PRMT3: variants seen among roughly 807,000 people sequenced by gnomAD.
PRMT3 encodes protein arginine methyltransferase 3.
Under a neutral mutation model 71.9 loss-of-function variants are expected in PRMT3, and 62 were observed. The ratio of observed to expected loss-of-function variants is 0.86; its 90% CI spans 0.70 to 1.07. PRMT3 has a LOEUF of 1.07. PRMT3 is among the 50% of genes least tolerant of loss of function. The pLI is 0.00. For missense variants in PRMT3, 663 were observed against 643.0 expected, an observed-to-expected ratio of 1.03 and a Z score of -0.34; for synonymous variants, 213 against 220.4, an observed-to-expected ratio of 0.97 and a Z score of 0.30.
At chr11:20,493,112 A>G (rs563375271) in intron 13 of PRMT3, among the ~76,000 whole-genome samples, 5 of 148,804 alleles carry the variant, frequency 3.4e-5, no homozygotes, top group African/African-American at 1.2e-4. Context: ...CCTCTGGGCA[A>G]CAGAGCAAGA....
rs1179525132 is a variant in PRMT3, at chr11:20,481,193, TA to T, written c.1348-12723del. Among the ~76,000 whole-genome samples the T allele has an allele frequency of 4.6e-5, 7 of 151,732 alleles. No individual in the cohort carries two copies. In the East Asian group the frequency reaches 5.8e-4, roughly 13 times the overall value. On this transcript the variant is annotated intron_variant, in intron 13 of 15. Coordinates refer to ENST00000331079, the MANE Select transcript of PRMT3 (RefSeq NM_005788.4). The stretch of plus-strand genomic sequence containing the variant: ...TGTTGGATTCCAAAAGCTTGTTTTT[TA>T]AAGGAAATCCAGTGGAGTAGCATCA...
In PRMT3 at chr11:20,388,113, C is replaced by A. The variant is rs751574765; in HGVS notation, c.123C>A (p.Leu41=). Reference sequence around the variant, plus strand: ...GGGAGGATGAGGACGATGCAGATCTCCCCCACGGCAAGCAGCAGACCCCCT... The same window carrying A: ...GGGAGGATGAGGACGATGCAGATCTACCCCACGGCAAGCAGCAGACCCCCT... ...AAWEDEDDAD[L]PHGKQQTPCL... is the part of the protein sequence containing the mutation. Residue 41 remains leucine (L), a synonymous_variant, in exon 2 of 16, where the codon CTC becomes CTA. Transcript: ENST00000331079. 2.5e-6 allele frequency: 4 copies of A among 1,613,906 alleles called. No individual in the cohort carries two copies. Among genetic ancestry groups the A allele is most frequent in the Non-Finnish European group, 3.4e-6 (4 of 1,179,996 alleles).
At chr11:20,445,987 G>C (rs1850018653) in intron 10 of PRMT3, among the ~76,000 whole-genome samples, 2 of 152,078 alleles carry the variant, frequency 1.3e-5, no homozygotes, top group South Asian at 4.1e-4. Flanking sequence ...AAATTTTACT[G>C]TTGGTGGGCA....
At chr11:20,459,735 T>G (rs111984263) in intron 11 of PRMT3, among the ~76,000 whole-genome samples, 2 of 152,358 alleles carry the variant, frequency 1.3e-5, no homozygotes, top group African/African-American at 4.8e-5. Context: ...TACCTAAAGC[T>G]GCTTCTGAAT....
At position 20,442,001 on chromosome 11, in the gene PRMT3, G is replaced by A. The variant is rs376071621; in HGVS notation, c.994-10129G>A. Reference sequence around the variant, plus strand: ...AGAGACGGGGTTTCGCCATGTTGGCGGGGCTGGTCTTGAACTCCTGACCTC... The same window carrying A: ...AGAGACGGGGTTTCGCCATGTTGGCAGGGCTGGTCTTGAACTCCTGACCTC... On this transcript the variant is annotated intron_variant, in intron 10 of 15. Transcript: ENST00000331079. 9.2e-5 allele frequency among the ~76,000 whole-genome samples: 14 copies of A among 152,042 alleles called. No homozygotes were observed. In the South Asian group the frequency reaches 1.2e-3, roughly 14 times the overall value.
chr11:20,397,856 T>A, intron 7 of PRMT3, 135 bp downstream of exon 7: 1 of 845,874 alleles, frequency 1.2e-6, no homozygotes, highest in Non-Finnish European at 1.7e-6. Context: ...ACCTCTTTGG[T>A]GCTTGGTATC....
chr11:20,436,440 G>T (rs6483682), intron 10 of PRMT3, among the ~76,000 whole-genome samples: 148,133 of 152,294 alleles, frequency 0.97, 72,372 homozygotes, highest in Middle Eastern at 1. Context: ...TTGATGGCCT[G>T]TATTGTGTTA....
intron 13 of PRMT3, among the ~76,000 whole-genome samples, chr11:20,480,807 A>G (rs1850913381): frequency 6.6e-6 from 1 of 152,150 alleles, no homozygotes; most frequent in Non-Finnish European, 1.5e-5. Flanking sequence ...TGATGACTCC[A>G]AGGTTTCTTA....
chr11:20,392,101 T>A (rs1848727628), intron 3 of PRMT3, 110 bp from the exon 4 acceptor site: 2 of 1,043,280 alleles, frequency 1.9e-6, no homozygotes, highest in Admixed American at 2.9e-5. Context: ...AAGTAGTAAT[T>A]TAGAGGTCAG....
chr11:20,474,620 G>C (rs1850734383), intron 13 of PRMT3, among the ~76,000 whole-genome samples: 1 of 152,228 alleles, frequency 6.6e-6, no homozygotes, highest in Non-Finnish European at 1.5e-5. Context: ...AGATCCATGG[G>C]AGAGGTGTGG....
intron 10 of PRMT3, among the ~76,000 whole-genome samples, chr11:20,450,041 A>G (rs1327497581): frequency 2.6e-5 from 4 of 152,306 alleles, no homozygotes; most frequent in Non-Finnish European, 5.9e-5. Flanking sequence ...TATTTTATGT[A>G]GGAACATCAG....
intron 11 of PRMT3, among the ~76,000 whole-genome samples, chr11:20,458,668 GA>G (rs1312919554): frequency 2.1e-4 from 32 of 152,260 alleles, no homozygotes; most frequent in African/African-American, 6.7e-4. Flanking sequence ...GAACCAAATT[GA>G]CCTATAACAC....
intron 9 of PRMT3, among the ~76,000 whole-genome samples, chr11:20,415,165 C>G (rs1252552702): frequency 6.6e-6 from 1 of 151,464 alleles, no homozygotes; most frequent in Admixed American, 6.6e-5. Flanking sequence ...TGAATTAAAG[C>G]CAAAGAGAAA....
chr11:20,424,217 A>G (rs1849492650), intron 9 of PRMT3, among the ~76,000 whole-genome samples: 1 of 151,574 alleles, frequency 6.6e-6, no homozygotes, highest in Non-Finnish European at 1.5e-5. Flanking sequence ...ATGGGAGTGC[A>G]AATGATCAAG....
At chr11:20,486,461 A>G (rs748953236) in intron 13 of PRMT3, among the ~76,000 whole-genome samples, 6 of 152,120 alleles carry the variant, frequency 3.9e-5, no homozygotes, top group Non-Finnish European at 8.8e-5. Flanking sequence ...ACTAGTAGAT[A>G]ATTTCTATAA....
chr11:20,459,331 C>T (rs1013586384), intron 11 of PRMT3, among the ~76,000 whole-genome samples: 2 of 152,074 alleles, frequency 1.3e-5, no homozygotes, highest in African/African-American at 4.8e-5. Context: ...ATATTCAGTT[C>T]CCATTAACTA....
At chr11:20,410,125 C>T (rs1849163280) in intron 9 of PRMT3, among the ~76,000 whole-genome samples, 1 of 151,978 alleles carries the variant, frequency 6.6e-6, no homozygotes, top group Non-Finnish European at 1.5e-5. Context: ...TCCTGATTCC[C>T]ATTGTCTTTG....
chr11:20,433,619 G>GTTTTGT (rs1489862989), intron 10 of PRMT3, among the ~76,000 whole-genome samples: 1 of 151,744 alleles, frequency 6.6e-6, no homozygotes, highest in Non-Finnish European at 1.5e-5. Flanking sequence ...GTTCTGTTTT[G>GTTTTGT]TTTTGTTTTT....
At chr11:20,414,136 T>C (rs1849251830) in intron 9 of PRMT3, among the ~76,000 whole-genome samples, 1 of 152,134 alleles carries the variant, frequency 6.6e-6, no homozygotes, top group South Asian at 2.1e-4. Flanking sequence ...AAGGATCCCT[T>C]GAGACCAAGG....
Sources: allele counts gnomAD v4.1 joint callset (sites outside exome capture counted in the v4.1 genomes callset), GRCh38; gene constraint gnomAD v4.1.1; transcripts MANE v1.5; gene names NCBI Gene and HGNC (gene_info 2026-07-23, HGNC 2026-07-21).